Variants in ATP8A2 observed in about 807,000 individuals in gnomAD.
ATP8A2 encodes the protein ATPase phospholipid transporting 8A2.
Under a neutral mutation model 165.6 loss-of-function variants are expected in ATP8A2, and 100 were observed. The observed-to-expected ratio is 0.60, with a 90% confidence interval of 0.51 to 0.71. ATP8A2 has a LOEUF of 0.71. Among genes scored for constraint, ATP8A2 ranks in the 30% least tolerant of loss-of-function variants. ATP8A2 has a pLI of 0.00. For missense variants in ATP8A2, 1,227 were observed against 1,479.5 expected (o/e 0.83, Z 2.80); for synonymous variants, 543 against 548.8 (o/e 0.99, Z 0.15).
intron 30 of ATP8A2, among the ~76,000 whole-genome samples, chr13:25,848,368 C>T (rs1439381899): frequency 2.6e-5 from 4 of 152,228 alleles, no homozygotes; most frequent in Non-Finnish European, 5.9e-5. Context: ...AGAGATCCAT[C>T]AGTTCTGCCC....
intron 4 of ATP8A2, among the ~76,000 whole-genome samples, chr13:25,531,206 A>T (rs1315083373): frequency 7.0e-6 from 1 of 143,014 alleles, no homozygotes; most frequent in Non-Finnish European, 1.5e-5. Flanking sequence ...TATATATGAT[A>T]TATGTTATAT....
intron 27 of ATP8A2, among the ~76,000 whole-genome samples, chr13:25,817,173 G>C (rs1447234569): frequency 2.6e-5 from 4 of 152,082 alleles, no homozygotes; most frequent in Non-Finnish European, 5.9e-5. Flanking sequence ...GAGCTATTCA[G>C]TCCCCTAGCA....
intron 24 of ATP8A2, among the ~76,000 whole-genome samples, chr13:25,670,156 G>A (rs1213756239): frequency 6.6e-6 from 1 of 152,198 alleles, no homozygotes; most frequent in Non-Finnish European, 1.5e-5. Flanking sequence ...AGCTGGTTGT[G>A]TCAGTATTTG....
intron 34 of ATP8A2, among the ~76,000 whole-genome samples, chr13:25,966,213 G>A (rs551157048): frequency 3.3e-5 from 5 of 152,208 alleles, no homozygotes; most frequent in East Asian, 1.9e-4. Context: ...CTCTCGATGT[G>A]GGGTTAGATG....
At chr13:25,685,154 C>T (rs528734864) in intron 24 of ATP8A2, among the ~76,000 whole-genome samples, 1 of 152,276 alleles carries the variant, frequency 6.6e-6, no homozygotes, top group African/African-American at 2.4e-5. Context: ...TTGGATGTGA[C>T]AGCCTTAGAC....
chr13:25,701,612 G>A (rs916974327), intron 25 of ATP8A2, among the ~76,000 whole-genome samples: 7 of 152,042 alleles, frequency 4.6e-5, no homozygotes, highest in African/African-American at 1.7e-4. Flanking sequence ...AACCTTATAA[G>A]TTTTTAAGAG....
intron 24 of ATP8A2, among the ~76,000 whole-genome samples, chr13:25,614,636 G>C (rs4290340): frequency 0.83 from 126,313 of 152,180 alleles, 53,406 homozygotes; most frequent in African/African-American, 0.91. Flanking sequence ...CACATTATGT[G>C]AGAGGGAAGA....
At chr13:25,489,645 G>A (rs923958133) in intron 2 of ATP8A2, among the ~76,000 whole-genome samples, 14 of 152,204 alleles carry the variant, frequency 9.2e-5, no homozygotes, top group African/African-American at 3.4e-4. Context: ...GAAGGACTGC[G>A]CTCTGCAAGC....
chr13:25,494,146 T>A (rs963186242), intron 2 of ATP8A2, among the ~76,000 whole-genome samples: 1 of 152,034 alleles, frequency 6.6e-6, no homozygotes, highest in Non-Finnish European at 1.5e-5. Context: ...CTGTCCAAGG[T>A]CTGTGGCACC....
intron 27 of ATP8A2, among the ~76,000 whole-genome samples, chr13:25,801,662 G>T (rs1487437285): frequency 1.3e-5 from 2 of 152,124 alleles, no homozygotes; most frequent in Non-Finnish European, 2.9e-5. Flanking sequence ...TGAAGTTGTT[G>T]GGTGTGAACA....
chr13:25,917,603 A>T (rs1028411416), intron 33 of ATP8A2, among the ~76,000 whole-genome samples: 4 of 152,226 alleles, frequency 2.6e-5, no homozygotes, highest in Non-Finnish European at 4.4e-5. Flanking sequence ...TGCCCATTAC[A>T]CTGTGTCACT....
intron 1 of ATP8A2, among the ~76,000 whole-genome samples, chr13:25,408,887 A>G (rs1221704569): frequency 1.3e-5 from 2 of 152,264 alleles, no homozygotes; most frequent in Non-Finnish European, 2.9e-5. Flanking sequence ...GAGCAGCTTA[A>G]ATATGGAAAT....
intron 33 of ATP8A2, among the ~76,000 whole-genome samples, chr13:25,925,659 A>T (rs1445073362): frequency 6.6e-6 from 1 of 152,212 alleles, no homozygotes; most frequent in Non-Finnish European, 1.5e-5. Flanking sequence ...ACAAACATGT[A>T]AAATATGTTT....
intron 24 of ATP8A2, among the ~76,000 whole-genome samples, chr13:25,681,562 T>A (rs565267588): frequency 6.6e-6 from 1 of 152,314 alleles, no homozygotes; most frequent in African/African-American, 2.4e-5. Flanking sequence ...AGGGAGCTGG[T>A]CCGAGACGTC....
intron 20 of ATP8A2, among the ~76,000 whole-genome samples, chr13:25,578,386 A>G (rs908753723): frequency 5.3e-5 from 8 of 152,296 alleles, no homozygotes; most frequent in East Asian, 3.9e-4. Context: ...TCAGCGCCCA[A>G]TGGGTTGTGC....
At chr13:25,591,044 G>T (rs2040059590) in intron 24 of ATP8A2, among the ~76,000 whole-genome samples, 1 of 151,894 alleles carries the variant, frequency 6.6e-6, no homozygotes, top group South Asian at 2.1e-4. Context: ...ATGCTCTGAG[G>T]AAATCTCTCC....
chr13:25,666,160 T>C (rs1228958333), intron 24 of ATP8A2, among the ~76,000 whole-genome samples: 1 of 151,982 alleles, frequency 6.6e-6, no homozygotes, highest in Non-Finnish European at 1.5e-5. Flanking sequence ...ATTTTAATTA[T>C]TGAATCTTAA....
rs56161002 is a variant in ATP8A2, at chr13:25,386,889, T to C, written c.76+14601T>C. Reference sequence around the variant, plus strand: ...GCGGGCACCTGTAGTCCCAGCTACTTGGGAGGCTGAAGCAGGAGAATGGCG... The same window carrying C: ...GCGGGCACCTGTAGTCCCAGCTACTCGGGAGGCTGAAGCAGGAGAATGGCG... On this transcript the variant is annotated intron_variant, in intron 1 of 36. Transcript: ENST00000381655. Among the ~76,000 whole-genome samples, 644 of 148,532 alleles carry C rather than the reference T, an allele frequency of 4.3e-3. 5 individuals carry two copies. The highest frequency in any genetic ancestry group is 0.014 in the African/African-American group (590 of 40,876).
chr13:25,521,186 T>G (rs2037661170), intron 2 of ATP8A2, among the ~76,000 whole-genome samples: 1 of 152,238 alleles, frequency 6.6e-6, no homozygotes, highest in African/African-American at 2.4e-5. Flanking sequence ...AGATCTTTTA[T>G]GCATTTTTAA....
Sources: gnomAD v4.1 joint callset for allele counts (sites outside exome capture counted in the v4.1 genomes callset) on GRCh38, gnomAD v4.1.1 for gene constraint, MANE v1.5 for transcripts, NCBI Gene and HGNC (gene_info 2026-07-23, HGNC 2026-07-21) for gene names.